Variants in CHST9 observed in about 807,000 individuals in gnomAD.
CHST9 encodes the protein GalNAc-4-sulfotransferase 2.
A neutral mutation model predicts 44.4 loss-of-function variants in CHST9; 41 were observed. The ratio of observed to expected loss-of-function variants is 0.92; its 90% CI spans 0.72 to 1.20. The LOEUF is 1.20. CHST9 is among the 50% of genes most tolerant of loss of function. The pLI is 0.00. For synonymous variants in CHST9, 171 were observed against 178.4 expected (o/e 0.96, Z 0.33); for missense variants, 504 against 516.5 (o/e 0.98, Z 0.23).
At chr18:26,936,006 CTT>C (rs2055984255) in intron 5 of CHST9, 1 of 152,178 alleles carries the variant, frequency 6.6e-6, no homozygotes, top group African/African-American at 2.4e-5. Flanking sequence ...TCCAGGGTGA[CTT>C]TATTCACTCC....
intron 4 of CHST9, among the ~76,000 whole-genome samples, chr18:26,977,637 A>G (rs2056639885): frequency 6.6e-6 from 1 of 152,136 alleles, no homozygotes; most frequent in South Asian, 2.1e-4. Flanking sequence ...AATTGTTCCT[A>G]TGTGCATTGC....
At chr18:27,005,640 G>A (rs2057007386) in intron 4 of CHST9, among the ~76,000 whole-genome samples, 2 of 152,066 alleles carry the variant, frequency 1.3e-5, no homozygotes, top group African/African-American at 4.8e-5. Flanking sequence ...AAAAGATCCT[G>A]GAATATATTT....
intron 3 of CHST9, among the ~76,000 whole-genome samples, chr18:27,039,222 T>G (rs1290951730): frequency 6.6e-6 from 1 of 152,160 alleles, no homozygotes; most frequent in Admixed American, 6.5e-5. Flanking sequence ...TGTACACCCA[T>G]GTTCACAGCA....
intron 4 of CHST9, among the ~76,000 whole-genome samples, chr18:27,014,453 C>CAAAAGAAA (rs2057123302): frequency 2.5e-5 from 1 of 39,420 alleles, no homozygotes; most frequent in Admixed American, 4.2e-4. Flanking sequence ...GACTCTGTCT[C>CAAAAGAAA]AAAAAAAAAA....
intron 4 of CHST9, among the ~76,000 whole-genome samples, chr18:26,994,872 AGCCATTGT>A (rs2056866596): frequency 6.6e-6 from 1 of 151,436 alleles, no homozygotes; most frequent in Admixed American, 6.6e-5. Flanking sequence ...TACAGGCGTG[AGCCATTGT>A]GCCTGGCCTG....
intron 3 of CHST9, 25 bp downstream of exon 3, chr18:27,048,440 T>C (rs1303122126): frequency 6.3e-7 from 1 of 1,582,448 alleles, no homozygotes; most frequent in Non-Finnish European, 8.6e-7. Context: ...GAAATAAAGC[T>C]GGAGCCCATT....
intron 2 of CHST9, among the ~76,000 whole-genome samples, chr18:27,069,462 G>GA (rs1486194910): frequency 6.6e-6 from 1 of 151,906 alleles, no homozygotes; most frequent in Non-Finnish European, 1.5e-5. Context: ...ATGTATGACT[G>GA]AAAAAAATCA....
intron 2 of CHST9, among the ~76,000 whole-genome samples, chr18:27,095,247 T>C (rs185935901): frequency 4.1e-4 from 62 of 152,278 alleles, no homozygotes; most frequent in Admixed American, 1.7e-3. Flanking sequence ...GCAATGTATA[T>C]TGTAAATTTC....
intron 3 of CHST9, among the ~76,000 whole-genome samples, chr18:27,036,327 A>G (rs907431993): frequency 2.0e-5 from 3 of 152,198 alleles, no homozygotes; most frequent in East Asian, 3.9e-4. Flanking sequence ...GGACAATTAA[A>G]AAAAGAAACA....
At chr18:27,101,627 A>C (rs939815733) in intron 2 of CHST9, among the ~76,000 whole-genome samples, 1 of 136,836 alleles carries the variant, frequency 7.3e-6, no homozygotes, top group African/African-American at 2.7e-5. Context: ...ATAAAAATAA[A>C]AATAAAAAAT....
At chr18:27,118,201 T>C (rs1244799709) in intron 2 of CHST9, among the ~76,000 whole-genome samples, 1 of 152,226 alleles carries the variant, frequency 6.6e-6, no homozygotes. Flanking sequence ...GTGAGGTGTC[T>C]ATTCAGGTCT....
At chr18:26,945,505 T>C (rs911269953) in intron 4 of CHST9, among the ~76,000 whole-genome samples, 1 of 152,218 alleles carries the variant, frequency 6.6e-6, no homozygotes, top group Non-Finnish European at 1.5e-5. Flanking sequence ...GTTATACAAA[T>C]GAATCATAAA....
chr18:26,991,888 G>T (rs1193501961), intron 4 of CHST9, among the ~76,000 whole-genome samples: 1 of 127,656 alleles, frequency 7.8e-6, no homozygotes, highest in Non-Finnish European at 1.8e-5. Flanking sequence ...GCTTTGAGAA[G>T]GAATGGACAA....
intron 4 of CHST9, among the ~76,000 whole-genome samples, chr18:27,012,748 C>T (rs2057100163): frequency 6.6e-6 from 1 of 152,156 alleles, no homozygotes; most frequent in Non-Finnish European, 1.5e-5. Context: ...AACTCTACTC[C>T]AGGTGATATA....
At chr18:26,980,682 T>C (rs1154213) in intron 4 of CHST9, among the ~76,000 whole-genome samples, 152,250 of 152,252 alleles carry the variant, frequency 1, 76,124 homozygotes, top group Middle Eastern at 1. Flanking sequence ...GGTAGTGCTG[T>C]CTAAGGCAAG....
Position 26,985,092 on chromosome 18 carries a change from C to A in CHST9, c.202+39024G>T, listed in dbSNP as rs2056738788. Among the ~76,000 whole-genome samples the A allele has an allele frequency of 2.0e-5, 3 of 152,030 alleles. No individual in the cohort carries two copies. In the South Asian group the frequency reaches 6.2e-4, roughly 32 times the overall value. On this transcript the variant is annotated intron_variant, in intron 4 of 5. Coordinates refer to ENST00000618847, the MANE Select transcript of CHST9 (RefSeq NM_031422.6). ...TAACAGATCCAAAATGGAAACAACCCAAAGGTCTAGCTAGAGTAAAATAGA... is the reference window on the plus strand; with the variant it reads ...TAACAGATCCAAAATGGAAACAACCAAAAGGTCTAGCTAGAGTAAAATAGA...
At chr18:27,036,048 T>C (rs1054579559) in intron 3 of CHST9, among the ~76,000 whole-genome samples, 1 of 152,152 alleles carries the variant, frequency 6.6e-6, no homozygotes, top group African/African-American at 2.4e-5. Flanking sequence ...AATAAAAATA[T>C]ATAAAATGCT....
chr18:26,940,130 C>T (rs559110940), intron 5 of CHST9, among the ~76,000 whole-genome samples: 1 of 152,242 alleles, frequency 6.6e-6, no homozygotes, highest in South Asian at 2.1e-4. Context: ...TTGGTCTATC[C>T]CATTTGCCCA....
intron 3 of CHST9, among the ~76,000 whole-genome samples, chr18:27,031,311 C>T (rs1223774891): frequency 6.6e-6 from 1 of 152,146 alleles, no homozygotes; most frequent in Non-Finnish European, 1.5e-5. Context: ...AAACCACCCA[C>T]CCCTCTGAAC....
Sources: gnomAD v4.1 joint callset for allele counts (sites outside exome capture counted in the v4.1 genomes callset) on GRCh38, gnomAD v4.1.1 for gene constraint, MANE v1.5 for transcripts, NCBI Gene and HGNC (gene_info 2026-07-23, HGNC 2026-07-21) for gene names.